PARD3B: variants seen among roughly 807,000 people sequenced by gnomAD.
PARD3B encodes par-3 family cell polarity regulator beta.
In PARD3B, 103 loss-of-function variants were observed where a neutral mutation model predicts 130.2. The ratio of observed to expected loss-of-function variants is 0.79; its 90% confidence interval spans 0.67 to 0.93. PARD3B has a LOEUF of 0.93. Among genes scored for constraint, PARD3B ranks in the 40% least tolerant of loss-of-function variants. The probability of loss-of-function intolerance (pLI) is 0.00; values close to 1 mark genes in which losing one functional copy is unlikely to be tolerated. For missense variants in PARD3B, 1,609 were observed against 1,499.2 expected (o/e 1.07, Z -1.21); for synonymous variants, 583 against 553.2 (o/e 1.05, Z -0.76).
rs529472865 is a variant in PARD3B at position 205,116,141 on chromosome 2, T to TA, written c.680+2572dup. 6.4e-4 allele frequency among the ~76,000 whole-genome samples: 98 copies of TA among 151,962 alleles called. No individual in the cohort carries two copies. Among genetic ancestry groups the TA allele is most frequent in the Middle Eastern group, 6.9e-3 (2 of 290 alleles). ...TTTCCCAGTAAAAACAAAGCAAACA[T>TA]AAAAAAAACACCAAAGTTCTTGCAA... is the stretch of plus-strand genomic sequence containing the variant. On this transcript the variant is annotated intron_variant, in intron 6 of 22. Coordinates refer to ENST00000406610, the MANE Select transcript of PARD3B (RefSeq NM_001302769.2). The surrounding 1 kb of genome is among the most constrained non-coding windows in gnomAD (Gnocchi z 4.5).
At chr2:205,346,242 GGCTTCTCCTAGAAAAA>G in intron 18 of PARD3B, among the ~76,000 whole-genome samples, 1 of 151,384 alleles carries the variant, frequency 6.6e-6, no homozygotes, top group East Asian at 2.0e-4. Flanking sequence ...GCAGATTCCT[GGCTTCTCCTAGAAAAA>G]TTAGGCTGCC....
chr2:205,125,688 C>A lies in PARD3B; in HGVS notation c.1385C>A (p.Ala462Glu). The A allele has an allele frequency of 6.2e-7, 1 of 1,614,138 alleles. No individual in the cohort carries two copies. Among genetic ancestry groups the A allele is most frequent in the Non-Finnish European group, 8.5e-7 (1 of 1,180,022 alleles). ...MLRSTKQGET[A>E]SLVIARQEGH... is the part of the protein sequence containing the mutation. ...AGGAGCACCAAGCAGGGGGAGACAG[C>A]ATCGCTGGTCATTGCCCGCCAAGAA... Residue 462 changes from alanine (A) to glutamate (E), a missense_variant, in exon 10 of 23, where the codon GCA becomes GAA. Ala to Glu is a moderately radical substitution (Grantham distance 107, BLOSUM62 -1). Coordinates refer to ENST00000406610, the MANE Select transcript of PARD3B (RefSeq NM_001302769.2). This position sits in a 1 kb window ranked among gnomAD's most constrained non-coding sequence, Gnocchi z 4.0.
rs950504395 is a variant in PARD3B, at chr2:205,431,659, C to T, written c.2742-8711C>T. On this transcript the variant is annotated intron_variant, in intron 19 of 22. Coordinates refer to ENST00000406610, the MANE Select transcript of PARD3B (RefSeq NM_001302769.2). ...TAATTTTTTGTATTTTTAGTAGAGA[C>T]GGGGTTTCACTATGTTGGCCAGGAT... is the stretch of plus-strand genomic sequence containing the variant. Among the ~76,000 whole-genome samples, 7 of 151,244 alleles carry T rather than the reference C, an allele frequency of 4.6e-5. No individual in the cohort carries two copies. In the East Asian group the frequency reaches 7.9e-4, roughly 17 times the overall value.
chr2:204,961,204 T>C (rs1202568476), intron 2 of PARD3B, among the ~76,000 whole-genome samples: 2 of 152,184 alleles, frequency 1.3e-5, no homozygotes, highest in African/African-American at 2.4e-5. Flanking sequence ...CAATTCATGC[T>C]AGCAAGGTCA....
intron 2 of PARD3B, among the ~76,000 whole-genome samples, chr2:204,927,277 G>A (rs1473281855): frequency 6.6e-6 from 1 of 152,014 alleles, no homozygotes; most frequent in African/African-American, 2.4e-5. Flanking sequence ...TGGGGGAGGT[G>A]ATTAAGTCAT....
chr2:205,243,468 C>G (rs1381280019), intron 15 of PARD3B, among the ~76,000 whole-genome samples: 1 of 152,088 alleles, frequency 6.6e-6, no homozygotes, highest in African/African-American at 2.4e-5. Context: ...GATTCCAATT[C>G]AGAAAGATTA....
rs193092112 is a variant in PARD3B at position 204,592,885 on chromosome 2, G to T, written c.120+46766G>T. On this transcript the variant is annotated intron_variant, in intron 1 of 22. Transcript: ENST00000406610. The stretch of plus-strand genomic sequence containing the variant: ...ATAAATGGAATTGTACAATCAATAT[G>T]TGGTCCTTTGTGATTAGCTTCTTTC... 3.1e-3 allele frequency among the ~76,000 whole-genome samples: 478 copies of T among 152,282 alleles called. 5 individuals carry two copies. Among genetic ancestry groups the T allele is most frequent in the African/African-American group, 0.011 (450 of 41,554 alleles).
intron 2 of PARD3B, among the ~76,000 whole-genome samples, chr2:204,947,271 A>G (rs1297473010): frequency 2.0e-5 from 3 of 152,106 alleles, no homozygotes; most frequent in African/African-American, 4.8e-5. Flanking sequence ...TTTACAAATG[A>G]TAATGAATTT....
At chr2:204,750,467 T>C (rs1208633298) in intron 2 of PARD3B, among the ~76,000 whole-genome samples, 3 of 152,148 alleles carry the variant, frequency 2.0e-5, no homozygotes, top group Non-Finnish European at 2.9e-5. Context: ...ATGCCTGTAG[T>C]CCCAGCTACT....
chr2:204,856,649 T>C (rs1028153187), intron 2 of PARD3B, among the ~76,000 whole-genome samples: 1 of 152,190 alleles, frequency 6.6e-6, no homozygotes, highest in Non-Finnish European at 1.5e-5. Context: ...TCCCTTGTTT[T>C]CTTCTACTTA....
At chr2:205,537,905 A>T (rs2051936188) in intron 21 of PARD3B, among the ~76,000 whole-genome samples, 1 of 152,236 alleles carries the variant, frequency 6.6e-6, no homozygotes, top group Non-Finnish European at 1.5e-5. Flanking sequence ...CATTGCATTC[A>T]GTTGCTAATA....
intron 1 of PARD3B, among the ~76,000 whole-genome samples, chr2:204,681,961 T>A (rs1025526562): frequency 6.6e-6 from 1 of 152,220 alleles, no homozygotes; most frequent in African/African-American, 2.4e-5. Context: ...AGTCTATGAT[T>A]ATGAAGATTA....
chr2:204,928,975 G>T (rs1429005006), intron 2 of PARD3B, among the ~76,000 whole-genome samples: 1 of 152,044 alleles, frequency 6.6e-6, no homozygotes, highest in African/African-American at 2.4e-5. Flanking sequence ...TGCCCTGGTT[G>T]CCCTTTTTAG....
At chr2:204,971,699 A>G (rs1482720248) in intron 3 of PARD3B, among the ~76,000 whole-genome samples, 1 of 152,014 alleles carries the variant, frequency 6.6e-6, no homozygotes, top group African/African-American at 2.4e-5. Flanking sequence ...GGTGTCATCA[A>G]TCAGTCATAG....
chr2:205,028,974 G>A (rs895822873), intron 3 of PARD3B, among the ~76,000 whole-genome samples: 1 of 152,068 alleles, frequency 6.6e-6, no homozygotes, highest in African/African-American at 2.4e-5. Context: ...ATTGTAATCT[G>A]GTAGATCTTG....
chr2:205,319,937 G>A (rs541715076), intron 18 of PARD3B, among the ~76,000 whole-genome samples: 6 of 152,124 alleles, frequency 3.9e-5, no homozygotes, highest in Non-Finnish European at 8.8e-5. Context: ...CCAGCACTTT[G>A]AGAGGCCAAG....
At chr2:205,074,265 C>G (rs184444631) in intron 4 of PARD3B, among the ~76,000 whole-genome samples, 17 of 152,166 alleles carry the variant, frequency 1.1e-4, no homozygotes, top group Non-Finnish European at 2.2e-4. Flanking sequence ...TTACAAAAAA[C>G]TTTTGAAAAG....
At position 205,091,200 on chromosome 2, in the gene PARD3B, T is replaced by C. The variant is rs1463383729; in HGVS notation, c.505-13226T>C. On this transcript the variant is annotated intron_variant, in intron 4 of 22. Coordinates refer to ENST00000406610, the MANE Select transcript of PARD3B (RefSeq NM_001302769.2). This position sits in a 1 kb window ranked among gnomAD's most constrained non-coding sequence, Gnocchi z 4.2. ...ACCCCAAAGTAGCCAACAAATGGAATAGAAGTTAAGAACATAAGACCTTTA... is the reference window on the plus strand; with the variant it reads ...ACCCCAAAGTAGCCAACAAATGGAACAGAAGTTAAGAACATAAGACCTTTA... Among the ~76,000 whole-genome samples the C allele has an allele frequency of 6.6e-6, 1 of 152,190 alleles. No homozygotes were observed. Among genetic ancestry groups the C allele is most frequent in the Non-Finnish European group, 1.5e-5 (1 of 68,036 alleles).
intron 1 of PARD3B, among the ~76,000 whole-genome samples, chr2:204,637,702 T>G (rs866097246): frequency 1.3e-5 from 2 of 152,294 alleles, no homozygotes; most frequent in South Asian, 2.1e-4. Context: ...TATAATAGTT[T>G]ATGATACCTT....
Sources: allele counts gnomAD v4.1 joint callset (sites outside exome capture counted in the v4.1 genomes callset), GRCh38; gene constraint gnomAD v4.1.1; non-coding constraint Gnocchi (gnomAD v3.1); transcripts MANE v1.5; gene names NCBI Gene and HGNC (gene_info 2026-07-23, HGNC 2026-07-21).